TBC1D22A: variants seen among roughly 807,000 people sequenced by gnomAD.
The protein encoded by TBC1D22A is TBC1 domain family member 22A.
TBC1D22A carries 38 observed loss-of-function variants against 60.2 expected under a neutral mutation model. That is an observed-to-expected ratio of 0.63 (90% CI 0.49 to 0.83). TBC1D22A has a LOEUF of 0.83. TBC1D22A is among the 40% of genes least tolerant of loss of function. The pLI is 0.00. For missense variants in TBC1D22A, 628 were observed against 701.0 expected, an observed-to-expected ratio of 0.90 and a Z score of 1.18; for synonymous variants, 302 against 281.7, an observed-to-expected ratio of 1.07 and a Z score of -0.72.
intron 1 of TBC1D22A, among the ~76,000 whole-genome samples, chr22:46,779,268 G>A (rs918069272): frequency 1.3e-5 from 2 of 152,150 alleles, no homozygotes; most frequent in Admixed American, 1.3e-4. Flanking sequence ...TAGGTGACAG[G>A]AATTTTTCAA....
chr22:46,902,307 A>G (rs1313174810), intron 7 of TBC1D22A, among the ~76,000 whole-genome samples: 3 of 152,186 alleles, frequency 2.0e-5, no homozygotes, highest in Admixed American at 2.0e-4. Context: ...AACCATTTTT[A>G]TTATTGTTGA....
intron 12 of TBC1D22A, among the ~76,000 whole-genome samples, chr22:47,165,813 C>T: frequency 6.6e-6 from 1 of 152,146 alleles, no homozygotes; most frequent in African/African-American, 2.4e-5. Context: ...CAGGGCCTCC[C>T]CACTGCAGAC....
intron 1 of TBC1D22A, among the ~76,000 whole-genome samples, chr22:46,778,338 T>G (rs2083789801): frequency 6.6e-6 from 1 of 152,232 alleles, no homozygotes; most frequent in African/African-American, 2.4e-5. Context: ...TTTAAAAAAC[T>G]TTTTGACTCC....
At chr22:46,924,181 A>T (rs1442428676) in intron 8 of TBC1D22A, among the ~76,000 whole-genome samples, 3 of 152,206 alleles carry the variant, frequency 2.0e-5, no homozygotes, top group Non-Finnish European at 4.4e-5. Context: ...ATGTAGAAAC[A>T]GTCTTGACTG....
At chr22:47,105,369 G>A (rs2065595602) in intron 11 of TBC1D22A, among the ~76,000 whole-genome samples, 1 of 152,182 alleles carries the variant, frequency 6.6e-6, no homozygotes, top group South Asian at 2.1e-4. Context: ...TAACCACAAA[G>A]GTGAGACTAT....
At chr22:47,008,948 G>A (rs1420736153) in intron 10 of TBC1D22A, among the ~76,000 whole-genome samples, 1 of 152,174 alleles carries the variant, frequency 6.6e-6, no homozygotes, top group Non-Finnish European at 1.5e-5. Flanking sequence ...TTGGTTTGGG[G>A]ACTAGTTTGT....
chr22:46,795,443 C>T (rs1025637200), intron 3 of TBC1D22A, among the ~76,000 whole-genome samples: 22 of 152,312 alleles, frequency 1.4e-4, no homozygotes, highest in African/African-American at 5.1e-4. Flanking sequence ...CAGCTGGGGT[C>T]GGGGAGCTAT....
chr22:47,111,384 C>CA (rs1166035581), intron 11 of TBC1D22A, 124 bp from the exon 12 acceptor site: 7 of 772,508 alleles, frequency 9.1e-6, no homozygotes, highest in Non-Finnish European at 1.5e-5. Flanking sequence ...AAAAGTGAGT[C>CA]AACACAAGCT....
chr22:46,933,386 C>G lies in TBC1D22A; in HGVS notation c.1015+21198C>G, dbSNP rs116963037. ...TCCTCAGTAGAAGGAGAGGTTTCTC[C>G]AGGTCCAGGATTTTCAGCATGGCTT... is the stretch of plus-strand genomic sequence containing the variant. On this transcript the variant is annotated intron_variant, in intron 8 of 12. Coordinates refer to ENST00000337137, the MANE Select transcript of TBC1D22A (RefSeq NM_014346.5). Among the ~76,000 whole-genome samples the G allele has an allele frequency of 3.6e-4, 55 of 152,304 alleles. No individual in the cohort carries two copies. In the East Asian group the frequency reaches 0.01, roughly 29 times the overall value.
intron 10 of TBC1D22A, among the ~76,000 whole-genome samples, chr22:47,000,743 C>G (rs987445259): frequency 6.6e-6 from 1 of 151,278 alleles, no homozygotes; most frequent in South Asian, 2.1e-4. Flanking sequence ...GAGGAACGTG[C>G]GTTTTCAGTC....
intron 8 of TBC1D22A, among the ~76,000 whole-genome samples, chr22:46,961,217 A>G (rs1013890583): frequency 6.6e-6 from 1 of 152,158 alleles, no homozygotes; most frequent in Non-Finnish European, 1.5e-5. Context: ...TATTCATTGT[A>G]CCATAATATT....
At chr22:47,151,808 G>A (rs776059485) in intron 12 of TBC1D22A, among the ~76,000 whole-genome samples, 2 of 152,212 alleles carry the variant, frequency 1.3e-5, no homozygotes, top group Non-Finnish European at 2.9e-5. Context: ...ATGCCGGCCT[G>A]TCGGGAAAGA....
intron 12 of TBC1D22A, among the ~76,000 whole-genome samples, chr22:47,154,730 C>T (rs1276877123): frequency 6.6e-6 from 1 of 152,230 alleles, no homozygotes; most frequent in Non-Finnish European, 1.5e-5. Flanking sequence ...GGGACATGTG[C>T]CCAAGGTCCG....
rs577277977 is a variant in TBC1D22A at position 47,090,910 on chromosome 22, T to TG, written c.1330-20591dup. 7.8e-5 allele frequency among the ~76,000 whole-genome samples: 7 copies of TG among 89,426 alleles called. No homozygotes were observed. The South Asian group carries it at 1.8e-3, about 23-fold the overall frequency. 58.7% of individuals were successfully genotyped at this position (89,426 alleles called of 152,430 possible). On this transcript the variant is annotated intron_variant, in intron 11 of 12. Coordinates refer to ENST00000337137, the MANE Select transcript of TBC1D22A (RefSeq NM_014346.5). ...AGAGACAGGCAGGAGAAGTCGTCTTTGGGGGGGTGTGGCCTCACGGAGGGG... is the reference window on the plus strand; with the variant it reads ...AGAGACAGGCAGGAGAAGTCGTCTTTGGGGGGGGTGTGGCCTCACGGAGGGG...
intron 3 of TBC1D22A, among the ~76,000 whole-genome samples, chr22:46,795,931 G>A (rs777441131): frequency 3.3e-5 from 5 of 152,216 alleles, no homozygotes; most frequent in Non-Finnish European, 5.9e-5. Flanking sequence ...TGAAGCAGGA[G>A]CCTCTGAAGG....
chr22:46,957,746 C>T (rs1268381520), intron 8 of TBC1D22A, among the ~76,000 whole-genome samples: 3 of 152,306 alleles, frequency 2.0e-5, no homozygotes, highest in East Asian at 3.9e-4. Flanking sequence ...GCTGGGCAGG[C>T]GAGAGGTGAG....
chr22:46,951,126 C>G (rs2072878723), intron 8 of TBC1D22A, among the ~76,000 whole-genome samples: 2 of 152,200 alleles, frequency 1.3e-5, no homozygotes, highest in Non-Finnish European at 2.9e-5. Flanking sequence ...CGTAGACTCT[C>G]CATCTGCAAA....
At chr22:46,967,475 T>C (rs2073857479) in intron 8 of TBC1D22A, among the ~76,000 whole-genome samples, 2 of 152,208 alleles carry the variant, frequency 1.3e-5, no homozygotes. Flanking sequence ...CCAGTTAAGC[T>C]CCTAATTAAG....
rs1279493093 is a variant in TBC1D22A, at chr22:46,797,229, G to T, written c.461-215G>T. On this transcript the variant is annotated intron_variant, in intron 3 of 12. Transcript: ENST00000337137. ...CATTGTGTTGCTTTTATGCAAGGTG[G>T]TCCATTTTGTTGGTGAATAATACTC... 3.3e-5 allele frequency among the ~76,000 whole-genome samples: 5 copies of T among 152,340 alleles called. No homozygotes were observed. In the East Asian group the frequency reaches 7.7e-4, roughly 24 times the overall value.
Sources: allele counts gnomAD v4.1 joint callset (sites outside exome capture counted in the v4.1 genomes callset), GRCh38; gene constraint gnomAD v4.1.1; transcripts MANE v1.5; gene names NCBI Gene and HGNC (gene_info 2026-07-23, HGNC 2026-07-21).